The following FHIT variants were observed in gnomAD, a reference collection of about 807,000 sequenced individuals.
FHIT encodes bis(5'-adenosyl)-triphosphatase.
Under a neutral mutation model 17.9 loss-of-function variants are expected in FHIT, and 19 were observed. That is an observed-to-expected ratio of 1.06 (90% CI 0.74 to 1.56). The LOEUF (loss-of-function observed/expected upper bound fraction) is 1.56. FHIT is among the 40% of genes most tolerant of loss of function. The pLI, the probability that FHIT is intolerant of heterozygous loss-of-function variation, is 0.00. For synonymous variants in FHIT, 81 were observed against 69.7 expected (o/e 1.16, Z -0.81); for missense variants, 248 against 189.2 (o/e 1.31, Z -1.82).
At chr3:60,983,962 C>A (rs1710606077) in intron 3 of FHIT, among the ~76,000 whole-genome samples, 2 of 152,070 alleles carry the variant, frequency 1.3e-5, no homozygotes, top group Non-Finnish European at 2.9e-5. Flanking sequence ...ATGATAAAGA[C>A]AAAAACAGTA....
At chr3:59,974,347 T>C (rs1175287246) in intron 7 of FHIT, among the ~76,000 whole-genome samples, 2 of 152,136 alleles carry the variant, frequency 1.3e-5, no homozygotes, top group Admixed American at 1.3e-4. Flanking sequence ...AATGGTGAAA[T>C]TTGTCTTTAA....
intron 4 of FHIT, among the ~76,000 whole-genome samples, chr3:60,605,465 A>C (rs562179689): frequency 3.2e-4 from 48 of 152,320 alleles, no homozygotes; most frequent in African/African-American, 1.1e-3. Flanking sequence ...ACGGATTAGG[A>C]CATACTTGAG....
intron 3 of FHIT, among the ~76,000 whole-genome samples, chr3:60,869,017 A>T (rs1704280702): frequency 6.6e-6 from 1 of 152,058 alleles, no homozygotes; most frequent in East Asian, 1.9e-4. Flanking sequence ...TTCTGAAGGG[A>T]TTTCCCAGCT....
At chr3:60,080,129 C>T (rs1703213513) in intron 5 of FHIT, among the ~76,000 whole-genome samples, 1 of 151,910 alleles carries the variant, frequency 6.6e-6, no homozygotes, top group African/African-American at 2.4e-5. Flanking sequence ...TGGATACAGC[C>T]AAAAGAAAAA....
chr3:60,635,099 T>C (rs35311139), intron 4 of FHIT, among the ~76,000 whole-genome samples: 16,850 of 142,802 alleles, frequency 0.12, 1,152 homozygotes, highest in Non-Finnish European at 0.16. Context: ...AATTTTGGAA[T>C]ACTGCAGCAG....
chr3:59,879,919 A>ACCCC (rs1234624847), intron 8 of FHIT, among the ~76,000 whole-genome samples: 5 of 83,014 alleles, frequency 6.0e-5, no homozygotes, highest in South Asian at 6.4e-4. Context: ...CATTTCCCCC[A>ACCCC]CCCCCCCCCC....
At chr3:60,309,250 C>A (rs933627245) in intron 5 of FHIT, among the ~76,000 whole-genome samples, 1 of 151,930 alleles carries the variant, frequency 6.6e-6, no homozygotes, top group African/African-American at 2.4e-5. Context: ...AAATCCACCT[C>A]ACCAAATACA....
At chr3:61,073,049 C>A (rs185949573) in intron 2 of FHIT, among the ~76,000 whole-genome samples, 1 of 152,182 alleles carries the variant, frequency 6.6e-6, no homozygotes, top group East Asian at 1.9e-4. Flanking sequence ...AAGACATGTG[C>A]TGTAATGGAT....
At position 59,758,365 on chromosome 3, in the gene FHIT, G is replaced by C. The variant is rs567801433; in HGVS notation, c.349-6044C>G. On this transcript the variant is annotated intron_variant, in intron 8 of 9. Coordinates refer to ENST00000492590, the MANE Select transcript of FHIT (RefSeq NM_002012.4). ...TACTAACAAACATGTATCAGAGTTA[G>C]CAAGAGAGCTGAAATTTGCCACTTT... Among the ~76,000 whole-genome samples, 6 of 152,292 alleles carry C rather than the reference G, an allele frequency of 3.9e-5. 1 individual carries two copies. The South Asian group carries it at 1.2e-3, about 32-fold the overall frequency.
chr3:59,933,306 C>T (rs1426840435), intron 7 of FHIT, among the ~76,000 whole-genome samples: 3 of 152,082 alleles, frequency 2.0e-5, no homozygotes, highest in Admixed American at 6.6e-5. Flanking sequence ...GCTTTACTTA[C>T]GTATTTATAG....
intron 1 of FHIT, among the ~76,000 whole-genome samples, chr3:61,244,918 T>C (rs1199395925): frequency 2.6e-5 from 4 of 152,182 alleles, no homozygotes; most frequent in East Asian, 1.9e-4. Context: ...AATAAATCTG[T>C]GTGCTTTTCT....
intron 5 of FHIT, among the ~76,000 whole-genome samples, chr3:60,438,261 C>T (rs2030455342): frequency 6.6e-6 from 1 of 152,076 alleles, no homozygotes. Flanking sequence ...GTGAAAAACA[C>T]ACCGATGGGT....
Position 60,342,518 on chromosome 3 carries a change from A to G in FHIT, c.103+194342T>C, listed in dbSNP as rs111292476. Among the ~76,000 whole-genome samples the G allele has an allele frequency of 4.3e-3, 648 of 152,332 alleles. 3 individuals are homozygous for G. Among genetic ancestry groups the G allele is most frequent in the African/African-American group, 0.015 (608 of 41,590 alleles). On this transcript the variant is annotated intron_variant, in intron 5 of 9. Coordinates refer to ENST00000492590, the MANE Select transcript of FHIT (RefSeq NM_002012.4). ...AGTTTGTGTCTTTAAATACATTCACATTATTGTGAAGCTTTTAATAGATTG... is the reference window on the plus strand; with the variant it reads ...AGTTTGTGTCTTTAAATACATTCACGTTATTGTGAAGCTTTTAATAGATTG...
chr3:60,341,336 A>C (rs1255614332), intron 5 of FHIT, among the ~76,000 whole-genome samples: 3 of 151,986 alleles, frequency 2.0e-5, no homozygotes, highest in Non-Finnish European at 2.9e-5. Flanking sequence ...GTACAGTTTA[A>C]AAATTGAGTA....
chr3:60,705,887 G>A (rs1386604873), intron 4 of FHIT, among the ~76,000 whole-genome samples: 1 of 152,112 alleles, frequency 6.6e-6, no homozygotes, highest in Non-Finnish European at 1.5e-5. Context: ...AATAAAGGTT[G>A]AAAATCATCC....
At chr3:60,809,091 G>T (rs1701491052) in intron 4 of FHIT, among the ~76,000 whole-genome samples, 2 of 152,170 alleles carry the variant, frequency 1.3e-5, no homozygotes, top group African/African-American at 4.8e-5. Flanking sequence ...GAATTCTTAA[G>T]AACTGAGAAA....
At chr3:60,648,388 G>C (rs2039912341) in intron 4 of FHIT, among the ~76,000 whole-genome samples, 1 of 152,148 alleles carries the variant, frequency 6.6e-6, no homozygotes, top group South Asian at 2.1e-4. Flanking sequence ...CATGATGCCA[G>C]CTTAAACTCA....
At chr3:60,560,654 G>C (rs975513257) in intron 4 of FHIT, among the ~76,000 whole-genome samples, 10 of 151,998 alleles carry the variant, frequency 6.6e-5, no homozygotes, top group Non-Finnish European at 1.5e-4. Context: ...CTTGCCATAT[G>C]GAGACTGATG....
intron 5 of FHIT, among the ~76,000 whole-genome samples, chr3:60,022,218 T>C (rs1361821340): frequency 2.0e-5 from 3 of 152,202 alleles, no homozygotes; most frequent in African/African-American, 7.2e-5. Context: ...GTACATGTCC[T>C]ATTAATCACA....
Sources: gnomAD v4.1 joint callset for allele counts (sites outside exome capture counted in the v4.1 genomes callset) on GRCh38, gnomAD v4.1.1 for gene constraint, MANE v1.5 for transcripts, NCBI Gene and HGNC (gene_info 2026-07-23, HGNC 2026-07-21) for gene names.